TLE2: variants seen among roughly 807,000 people sequenced by gnomAD.
TLE2 encodes the protein TLE family member 2, transcriptional corepressor.
Under a neutral mutation model 97.2 loss-of-function variants are expected in TLE2, and 74 were observed. That is an observed-to-expected ratio of 0.76 (90% CI 0.63 to 0.92). The LOEUF is 0.92. Ranked by LOEUF, TLE2 falls within the 40% of genes least tolerant of loss-of-function variation. TLE2 has a pLI of 0.00. For synonymous variants in TLE2, 499 were observed against 432.1 expected (o/e 1.15, Z -1.92); for missense variants, 1,038 against 1,008.7 (o/e 1.03, Z -0.39).
At chr19:3,018,310 T>TTA in intron 7 of TLE2, among the ~76,000 whole-genome samples, 1 of 152,048 alleles carries the variant, frequency 6.6e-6, no homozygotes, top group Middle Eastern at 3.4e-3. Flanking sequence ...ATTTATTTAT[T>TTA]TATTTATTTA....
intron 19 of TLE2, among the ~76,000 whole-genome samples, chr19:2,998,382 A>C (rs985429407): frequency 2.6e-5 from 4 of 151,752 alleles, no homozygotes; most frequent in Non-Finnish European, 4.4e-5. Flanking sequence ...GGTTCAGGCA[A>C]TCCTCCTGTC....
Position 3,005,438 on chromosome 19 carries a change from T to TG in TLE2, c.1894dup (p.Gln632ProfsTer10). Reference sequence around the variant, plus strand: ...CCTCCTGCCAGAACCGAACAGCACCTGGGAGCTGAAGTCATGCTGCTGCAG... The same window carrying TG: ...CCTCCTGCCAGAACCGAACAGCACCTGGGGAGCTGAAGTCATGCTGCTGCAG... On this transcript the variant is annotated frameshift_variant and splice_region_variant, in exon 17 of 20. Transcript: ENST00000262953. LOFTEE classifies it high-confidence loss of function. 1 of 1,613,694 alleles carries TG rather than the reference T, an allele frequency of 6.2e-7. No homozygotes were observed. Among genetic ancestry groups the TG allele is most frequent in the Non-Finnish European group, 8.5e-7 (1 of 1,179,810 alleles).
upstream of TLE2, among the ~76,000 whole-genome samples, chr19:3,046,879 G>T (rs1275125258): frequency 1.3e-5 from 2 of 149,246 alleles, no homozygotes; most frequent in African/African-American, 4.9e-5. Flanking sequence ...CATCCAAGGA[G>T]CTGGGAGCAT....
intron 5 of TLE2, among the ~76,000 whole-genome samples, chr19:3,021,927 C>T (rs1444315789): frequency 2.0e-5 from 3 of 152,050 alleles, no homozygotes; most frequent in Non-Finnish European, 4.4e-5. Context: ...GATTTCAGGT[C>T]GGGCGCAGTG....
intron 1 of TLE2, among the ~76,000 whole-genome samples, chr19:3,042,017 CG>C (rs1568256912): frequency 6.6e-6 from 1 of 151,824 alleles, no homozygotes; most frequent in Admixed American, 6.6e-5. Flanking sequence ...ATTAGCCACG[CG>C]GGCCCGGCCC....
intron 1 of TLE2, among the ~76,000 whole-genome samples, chr19:3,043,845 A>G (rs142441905): frequency 0.013 from 1,919 of 151,808 alleles, 44 homozygotes; most frequent in African/African-American, 0.043. Flanking sequence ...TTAGCCAGGC[A>G]TGGTGGCGGG....
chr19:3,037,620 G>A (rs1238164403), intron 1 of TLE2, among the ~76,000 whole-genome samples: 2 of 152,182 alleles, frequency 1.3e-5, no homozygotes, highest in Non-Finnish European at 2.9e-5. Context: ...AGGAGTCAGG[G>A]CCTGGGAGCC....
Position 3,025,034 on chromosome 19 carries a change from A to G in TLE2, c.280T>C (p.Phe94Leu). Residue 94 changes from phenylalanine to leucine, a missense_variant, in exon 5 of 20, where the codon TTC becomes CTC. Phe to Leu is a conservative substitution (Grantham distance 22, BLOSUM62 0). Transcript: ENST00000262953. ...LSGICAQIIP[F>L]LTQEHQQQVL... The stretch of plus-strand genomic sequence containing the variant: ...GGCCCACTCACCTCCTGGGTCAGGA[A>G]GGGGATAATCTGAGCGCAGATACCG... 6.2e-7 allele frequency: 1 copy of G among 1,602,326 alleles called. No individual in the cohort carries two copies. The highest frequency in any genetic ancestry group is 1.1e-5 in the South Asian group (1 of 88,422).
chr19:3,045,119 T>C (rs2090132531), intron 1 of TLE2, among the ~76,000 whole-genome samples: 1 of 152,054 alleles, frequency 6.6e-6, no homozygotes. Flanking sequence ...GAGGCCGACA[T>C]GGGAGGATCA....
chr19:2,999,759 G>A (rs145201221), intron 19 of TLE2, among the ~76,000 whole-genome samples: 13,531 of 148,722 alleles, frequency 0.091, 870 homozygotes, highest in Middle Eastern at 0.17. Context: ...ACAGCTGGGC[G>A]CAGTGGCTCA....
Position 3,005,489 on chromosome 19 carries a change from C to G in TLE2, c.1844G>C (p.Cys615Ser), listed in dbSNP as rs780895160. The G allele has an allele frequency of 9.3e-6, 15 of 1,613,684 alleles. No homozygotes were observed. The South Asian group carries it at 1.3e-4, about 14-fold the overall frequency. The change falls in exon 17 of 20, where the codon TGC becomes TCC. Residue 615 changes from cysteine (C) to serine (S), a missense_variant. Coordinates refer to ENST00000262953, the MANE Select transcript of TLE2 (RefSeq NM_003260.5). Reference sequence around the variant, plus strand: ...CTGGCGGCCCTCCCGCAGGTCCCAGCAGCGCACCGTGTTGTCCAGGCCCCC... The same window carrying G: ...CTGGCGGCCCTCCCGCAGGTCCCAGGAGCGCACCGTGTTGTCCAGGCCCCC... ...WTGGLDNTVR[C>S]WDLREGRQLQ...
chr19:3,028,230 G>A (rs2089977872), intron 3 of TLE2, 89 bp downstream of exon 3: 6 of 1,334,734 alleles, frequency 4.5e-6, no homozygotes, highest in East Asian at 5.0e-5. Context: ...GACGAGGTTC[G>A]GAGTGGGGCA....
chr19:3,023,287 T>C (rs1395108698), intron 5 of TLE2, among the ~76,000 whole-genome samples: 1 of 152,160 alleles, frequency 6.6e-6, no homozygotes. Flanking sequence ...CCGCACGCCT[T>C]GGCCTCCCAA....
Position 3,005,738 on chromosome 19 carries a change from C to G in TLE2, c.1731G>C (p.Gln577His). The part of the protein sequence containing the change: ...SDGNIVVWDL[Q>H]NQTMVRQFQG... ...CCACCCACCTGACCATAGTCTGATTCTGCAGGTCCCAGACCACAATGTTGC... is the reference window on the plus strand; with the variant it reads ...CCACCCACCTGACCATAGTCTGATTGTGCAGGTCCCAGACCACAATGTTGC... The change falls in exon 16 of 20, where the codon CAG (glutamine) becomes CAC (histidine). Residue 577 changes from glutamine (Q) to histidine (H), a missense_variant. Coordinates refer to ENST00000262953, the MANE Select transcript of TLE2 (RefSeq NM_003260.5). 6.2e-7 allele frequency: 1 copy of G among 1,613,822 alleles called. No individual in the cohort carries two copies. Among genetic ancestry groups the G allele is most frequent in the Non-Finnish European group, 8.5e-7 (1 of 1,179,778 alleles).
rs541273878 is a variant in TLE2, at chr19:3,011,303, G to A, written c.874-143C>T. Reference sequence around the variant, plus strand: ...AGCACTTTGGGAGGCCCAGTCGGGCGGATCACCTGAGGTCAGGAGTTCGAG... The same window carrying A: ...AGCACTTTGGGAGGCCCAGTCGGGCAGATCACCTGAGGTCAGGAGTTCGAG... On this transcript the variant is annotated intron_variant, in intron 11 of 19. Coordinates refer to ENST00000262953, the MANE Select transcript of TLE2 (RefSeq NM_003260.5). 4.4e-4 allele frequency: 380 copies of A among 872,240 alleles called. 2 individuals carry two copies. The African/African-American group carries it at 5.8e-3, about 13-fold the overall frequency. The allele number at this position is 872,240 out of a possible 1,614,324, so 54.0% of individuals were successfully genotyped here.
chr19:3,016,555 G>A (rs61132194), intron 8 of TLE2, among the ~76,000 whole-genome samples: 7 of 143,902 alleles, frequency 4.9e-5, no homozygotes, highest in Non-Finnish European at 6.0e-5. Context: ...GCACCACTGC[G>A]CTCCAGCCTG....
intron 12 of TLE2, among the ~76,000 whole-genome samples, chr19:3,010,333 C>T (rs2089568692): frequency 6.7e-6 from 1 of 149,678 alleles, no homozygotes. Context: ...CATTGCACTC[C>T]AGCCTGTGTA....
At chr19:3,030,950 CAAAA>C (rs60265159), upstream of TLE2, among the ~76,000 whole-genome samples, 306 of 112,910 alleles carry the variant, frequency 2.7e-3, 2 homozygotes, top group Admixed American at 4.7e-3. Flanking sequence ...GACCTTGTCT[CAAAA>C]AAAAAAAAAA....
chr19:2,998,395 G>C (rs557276472), intron 19 of TLE2, among the ~76,000 whole-genome samples: 1 of 151,466 alleles, frequency 6.6e-6, no homozygotes, highest in African/African-American at 2.4e-5. Flanking sequence ...CTCCTGTCTC[G>C]AACTCCCAAG....
Sources: gnomAD v4.1 joint callset for allele counts (sites outside exome capture counted in the v4.1 genomes callset) on GRCh38, gnomAD v4.1.1 for gene constraint, MANE v1.5 for transcripts, NCBI Gene and HGNC (gene_info 2026-07-23, HGNC 2026-07-21) for gene names.